TSPEAR: variants seen among roughly 807,000 people sequenced by gnomAD.
TSPEAR encodes thrombospondin-type laminin G domain and EAR repeat-containing protein.
TSPEAR carries 69 observed loss-of-function variants against 71.6 expected under a neutral mutation model. That is an observed-to-expected ratio of 0.96 (90% CI 0.79 to 1.18). The LOEUF (loss-of-function observed/expected upper bound fraction) is 1.18. Ranked by LOEUF, TSPEAR falls within the 50% of genes most tolerant of loss-of-function variation. The pLI is 0.00. For synonymous variants in TSPEAR, 402 were observed against 387.2 expected, an observed-to-expected ratio of 1.04 and a Z score of -0.45; for missense variants, 971 against 894.9, an observed-to-expected ratio of 1.09 and a Z score of -1.09.
chr21:44,572,269 C>T (rs191130502), intron 1 of TSPEAR, among the ~76,000 whole-genome samples: 2 of 152,202 alleles, frequency 1.3e-5, no homozygotes, highest in South Asian at 2.1e-4. Flanking sequence ...TTTCAGCCAA[C>T]GCCATGTGGG....
intron 2 of TSPEAR, among the ~76,000 whole-genome samples, chr21:44,541,861 C>G (rs1461553255): frequency 6.6e-6 from 1 of 152,220 alleles, no homozygotes; most frequent in South Asian, 2.1e-4. Flanking sequence ...CAAAAGTGAT[C>G]TCTTCTGGAG....
chr21:44,635,525 G>A (rs1255618064), intron 1 of TSPEAR, among the ~76,000 whole-genome samples: 2 of 152,044 alleles, frequency 1.3e-5, no homozygotes, highest in Non-Finnish European at 2.9e-5. Context: ...CCAAACACAG[G>A]TGTACCTTGA....
At chr21:44,512,793 G>A (rs1192806264) in intron 9 of TSPEAR, among the ~76,000 whole-genome samples, 1 of 152,192 alleles carries the variant, frequency 6.6e-6, no homozygotes, top group African/African-American at 2.4e-5. Context: ...TGTGGGGGTG[G>A]GCATGGAGGT....
intron 2 of TSPEAR, among the ~76,000 whole-genome samples, chr21:44,537,105 A>C (rs587765138): frequency 1.9e-4 from 29 of 152,356 alleles, no homozygotes; most frequent in African/African-American, 7.0e-4. Flanking sequence ...TTCCTCCTAC[A>C]TATTTAAAAG....
At chr21:44,503,456 G>A (rs879964061) in intron 11 of TSPEAR, among the ~76,000 whole-genome samples, 1 of 131,734 alleles carries the variant, frequency 7.6e-6, no homozygotes, top group African/African-American at 2.9e-5. Context: ...CTGGGAGGAA[G>A]CCGGCCTCGG....
chr21:44,667,183 A>T (rs1985830099), intron 1 of TSPEAR, among the ~76,000 whole-genome samples: 1 of 152,092 alleles, frequency 6.6e-6, no homozygotes, highest in Admixed American at 6.6e-5. Context: ...GTTCTTTAAA[A>T]TTTTACCTGA....
chr21:44,578,440 C>T (rs462711), intron 1 of TSPEAR, among the ~76,000 whole-genome samples: 140,261 of 152,208 alleles, frequency 0.92, 65,010 homozygotes, highest in Non-Finnish European at 0.97. Context: ...ATGGCTTTGC[C>T]ATTGAATTCT....
intron 1 of TSPEAR, among the ~76,000 whole-genome samples, chr21:44,588,511 C>G (rs1555925941): frequency 6.6e-6 from 1 of 151,968 alleles, no homozygotes; most frequent in African/African-American, 2.4e-5. Flanking sequence ...TTTGATCCAG[C>G]AAATCCACTA....
intron 10 of TSPEAR, among the ~76,000 whole-genome samples, chr21:44,505,945 C>T (rs2052188696): frequency 6.6e-6 from 1 of 152,146 alleles, no homozygotes; most frequent in African/African-American, 2.4e-5. Context: ...CTGCTGGAGG[C>T]AGGAGCTTGG....
intron 1 of TSPEAR, among the ~76,000 whole-genome samples, chr21:44,579,015 G>A (rs587598002): frequency 6.2e-4 from 94 of 152,282 alleles, no homozygotes; most frequent in Middle Eastern, 3.4e-3. Context: ...TGTCTCCTGC[G>A]CAGGTGCAGC....
At chr21:44,556,900 C>T (rs587632136) in intron 2 of TSPEAR, among the ~76,000 whole-genome samples, 83 of 152,250 alleles carry the variant, frequency 5.5e-4, no homozygotes, top group African/African-American at 1.5e-3. Context: ...GGGAACTTCC[C>T]GGCCACCTCG....
At chr21:44,620,118 A>G (rs1982349245) in intron 1 of TSPEAR, among the ~76,000 whole-genome samples, 1 of 152,250 alleles carries the variant, frequency 6.6e-6, no homozygotes, top group East Asian at 1.9e-4. Flanking sequence ...ATTTCTCATC[A>G]GAAACCATGG....
At chr21:44,604,475 C>A (rs1214595002) in intron 1 of TSPEAR, among the ~76,000 whole-genome samples, 1 of 152,028 alleles carries the variant, frequency 6.6e-6, no homozygotes, top group Admixed American at 6.6e-5. Flanking sequence ...TAGGGGTGAA[C>A]CCTAGACTTA....
chr21:44,601,058 G>A (rs781968677), intron 1 of TSPEAR: 1 of 1,612,468 alleles, frequency 6.2e-7, no homozygotes, highest in South Asian at 1.1e-5. Context: ...TCAGCTTGCT[G>A]CACCTCCTCC....
chr21:44,675,075 T>C (rs1206037561), intron 1 of TSPEAR, among the ~76,000 whole-genome samples: 1 of 152,040 alleles, frequency 6.6e-6, no homozygotes, highest in Non-Finnish European at 1.5e-5. Flanking sequence ...ACTCACTCTA[T>C]GAGGCCAGAA....
At chr21:44,696,828 T>C (rs1201526586) in intron 1 of TSPEAR, among the ~76,000 whole-genome samples, 6 of 152,150 alleles carry the variant, frequency 3.9e-5, no homozygotes, top group Admixed American at 3.3e-4. Flanking sequence ...CCCGCTCAGT[T>C]CTGACACCTG....
intron 1 of TSPEAR, chr21:44,677,980 G>T: frequency 9.0e-7 from 1 of 1,112,404 alleles, no homozygotes; most frequent in Non-Finnish European, 1.4e-6. Flanking sequence ...AGAGCTGCCT[G>T]AAGTAGAGTA....
In TSPEAR at chr21:44,572,064, G is replaced by A. The variant is rs187224021; in HGVS notation, c.83-4059C>T. 1.5e-3 allele frequency among the ~76,000 whole-genome samples: 230 copies of A among 152,304 alleles called. 3 individuals carry two copies. The highest frequency in any genetic ancestry group is 4.6e-4 in the Non-Finnish European group (31 of 68,028). ...GGCGGCACCGCGAGGGATGGGCCGC[G>A]GCCGTGTCACCTCCATGCCCCACGC... On this transcript the variant is annotated intron_variant, in intron 1 of 11. Transcript: ENST00000323084.
intron 1 of TSPEAR, among the ~76,000 whole-genome samples, chr21:44,570,508 A>G (rs1344362201): frequency 6.6e-6 from 1 of 152,174 alleles, no homozygotes. Flanking sequence ...GGAATTACAG[A>G]AGGGGCTGCA....
Sources: allele counts gnomAD v4.1 joint callset (sites outside exome capture counted in the v4.1 genomes callset), GRCh38; gene constraint gnomAD v4.1.1; transcripts MANE v1.5; gene names NCBI Gene and HGNC (gene_info 2026-07-23, HGNC 2026-07-21).